Variants in MDGA2 observed in about 807,000 individuals in gnomAD.
MDGA2 encodes MAM domain containing glycosylphosphatidylinositol anchor 2, also known as MAM domain-containing glycosylphosphatidylinositol anchor protein 2.
In MDGA2, 40 loss-of-function variants were observed where a neutral mutation model predicts 117.8. The ratio of observed to expected loss-of-function variants is 0.34; its 90% CI spans 0.26 to 0.44. The LOEUF (loss-of-function observed/expected upper bound fraction) is 0.44. Ranked by LOEUF, MDGA2 falls within the 20% of genes least tolerant of loss-of-function variation. The probability of loss-of-function intolerance (pLI) is 1.00; values close to 1 mark genes in which losing one functional copy is unlikely to be tolerated. For synonymous variants in MDGA2, 452 were observed against 439.0 expected (o/e 1.03, Z -0.37); for missense variants, 1,123 against 1,250.6 (o/e 0.90, Z 1.54).
chr14:47,111,450 T>C (rs962914789), intron 5 of MDGA2, among the ~76,000 whole-genome samples: 3 of 152,006 alleles, frequency 2.0e-5, no homozygotes, highest in African/African-American at 7.2e-5. Context: ...AAAAATTGGA[T>C]AGAGTAAAAA....
chr14:47,177,057 A>G (rs1884490108), intron 3 of MDGA2, among the ~76,000 whole-genome samples: 2 of 152,130 alleles, frequency 1.3e-5, no homozygotes, highest in African/African-American at 4.8e-5. Flanking sequence ...AAAAATGCTC[A>G]CCATCACTGG....
chr14:47,603,489 T>C (rs911266792), intron 1 of MDGA2, among the ~76,000 whole-genome samples: 2 of 152,160 alleles, frequency 1.3e-5, no homozygotes, highest in African/African-American at 4.8e-5. Context: ...GCCCGGTCAT[T>C]CCACCGAACT....
intron 1 of MDGA2, among the ~76,000 whole-genome samples, chr14:47,575,538 T>C (rs970176422): frequency 6.6e-6 from 1 of 152,206 alleles, no homozygotes; most frequent in Non-Finnish European, 1.5e-5. Flanking sequence ...TGACTATTAA[T>C]ACAAGTTTTA....
At chr14:47,465,889 T>C (rs930702670) in intron 1 of MDGA2, among the ~76,000 whole-genome samples, 2 of 152,200 alleles carry the variant, frequency 1.3e-5, no homozygotes, top group African/African-American at 4.8e-5. Flanking sequence ...TGAATGTTCA[T>C]TGCAGCACTA....
At chr14:47,428,450 T>C (rs1049814838) in intron 1 of MDGA2, among the ~76,000 whole-genome samples, 14 of 152,148 alleles carry the variant, frequency 9.2e-5, no homozygotes, top group African/African-American at 3.4e-4. Context: ...TTAGTCTACA[T>C]AAAGATTAAT....
chr14:47,026,186 T>C (rs1379953016), intron 8 of MDGA2, among the ~76,000 whole-genome samples: 3 of 152,194 alleles, frequency 2.0e-5, no homozygotes, highest in Non-Finnish European at 4.4e-5. Context: ...ACATATAAGC[T>C]AAAATTCTAT....
At chr14:47,273,756 T>C (rs1188230813) in intron 2 of MDGA2, among the ~76,000 whole-genome samples, 2 of 152,142 alleles carry the variant, frequency 1.3e-5, no homozygotes, top group Non-Finnish European at 2.9e-5. Flanking sequence ...AAAGCCTGTT[T>C]GAATGTAAAG....
At chr14:47,135,987 T>C (rs1882434023) in intron 4 of MDGA2, among the ~76,000 whole-genome samples, 1 of 152,026 alleles carries the variant, frequency 6.6e-6, no homozygotes, top group South Asian at 2.1e-4. Flanking sequence ...TGATCGCAGA[T>C]TTATATTTAT....
Position 47,330,709 on chromosome 14 carries a change from CA to C in MDGA2, c.281-29160del, listed in dbSNP as rs144988540. ...ATGATTCTCATCTTTCTACAGCCAC[CA>C]AAAAAAAAGAAATCAAAGATATGAG... On this transcript the variant is annotated intron_variant, in intron 1 of 16. Transcript: ENST00000399232. 5.0e-4 allele frequency among the ~76,000 whole-genome samples: 74 copies of C among 148,730 alleles called. 1 individual carries two copies. The highest frequency in any genetic ancestry group is 1.1e-3 in the Admixed American group (17 of 14,842).
At chr14:47,431,441 A>C (rs1447475456) in intron 1 of MDGA2, among the ~76,000 whole-genome samples, 2 of 152,088 alleles carry the variant, frequency 1.3e-5, no homozygotes, top group African/African-American at 4.8e-5. Flanking sequence ...TATGGGACTC[A>C]TATGTGGAAA....
At chr14:47,168,356 A>C (rs1435532435) in intron 3 of MDGA2, among the ~76,000 whole-genome samples, 1 of 151,818 alleles carries the variant, frequency 6.6e-6, no homozygotes. Flanking sequence ...GTTTTCAATA[A>C]CATCTATATT....
At chr14:46,920,609 G>C (rs2138512897) in intron 9 of MDGA2, among the ~76,000 whole-genome samples, 1 of 152,280 alleles carries the variant, frequency 6.6e-6, no homozygotes, top group South Asian at 2.1e-4. Flanking sequence ...CCAAGAGACG[G>C]ATATTACCAA....
intron 14 of MDGA2, among the ~76,000 whole-genome samples, chr14:46,866,262 G>C (rs1332988846): frequency 6.6e-6 from 1 of 152,052 alleles, no homozygotes. Context: ...TCTGATCTTT[G>C]ACAAACCTGA....
intron 8 of MDGA2, chr14:46,960,555 C>T (rs1310885835): frequency 6.6e-6 from 1 of 151,952 alleles, no homozygotes; most frequent in Non-Finnish European, 1.5e-5. Context: ...GACTTAGCCA[C>T]TCGTAAGCAG....
intron 1 of MDGA2, among the ~76,000 whole-genome samples, chr14:47,421,368 G>C (rs772204199): frequency 1.2e-4 from 18 of 152,130 alleles, no homozygotes; most frequent in Admixed American, 3.3e-4. Context: ...GCCTTCTTTG[G>C]CTGGCATCAC....
At chr14:47,417,223 C>T (rs1402888511) in intron 1 of MDGA2, among the ~76,000 whole-genome samples, 4 of 152,152 alleles carry the variant, frequency 2.6e-5, no homozygotes, top group Non-Finnish European at 4.4e-5. Flanking sequence ...CCCTTTTTCA[C>T]ATTTTGCTAG....
At position 46,920,018 on chromosome 14, in the gene MDGA2, G is replaced by A; in HGVS notation, c.2232C>T (p.Ile744=). 1 of 1,576,792 alleles carries A rather than the reference G, an allele frequency of 6.3e-7. No homozygotes were observed. The highest frequency in any genetic ancestry group is 1.2e-5 in the South Asian group (1 of 81,966). ...CATCAGTTAGATTTCTCACCTGCCT[G>A]ATGCCCAACCGGTATGCAACAATCC... The part of the protein sequence containing the change: ...VDRIVAYRLG[I]RQAGQQRWWE... The change falls in exon 10 of 17, where the codon ATC becomes ATT. Residue 744 remains isoleucine, a synonymous_variant. Coordinates refer to ENST00000399232, the MANE Select transcript of MDGA2 (RefSeq NM_001113498.3).
At chr14:47,608,562 A>G (rs1053069048) in intron 1 of MDGA2, among the ~76,000 whole-genome samples, 1 of 152,160 alleles carries the variant, frequency 6.6e-6, no homozygotes, top group Non-Finnish European at 1.5e-5. Flanking sequence ...CCAGGTGGCT[A>G]TATTAGTAGG....
At chr14:47,566,210 T>C (rs1252682112) in intron 1 of MDGA2, among the ~76,000 whole-genome samples, 2 of 152,184 alleles carry the variant, frequency 1.3e-5, no homozygotes, top group East Asian at 3.9e-4. Flanking sequence ...CAGCAAGGGC[T>C]GCTCTACTAG....
Sources: gnomAD v4.1 joint callset for allele counts (sites outside exome capture counted in the v4.1 genomes callset) on GRCh38, gnomAD v4.1.1 for gene constraint, MANE v1.5 for transcripts, NCBI Gene and HGNC (gene_info 2026-07-23, HGNC 2026-07-21) for gene names.